KIAA1549L: variants seen among roughly 807,000 people sequenced by gnomAD.
KIAA1549L encodes the protein UPF0606 protein KIAA1549L.
In KIAA1549L, 88 loss-of-function variants were observed where a neutral mutation model predicts 160.7. The ratio of observed to expected loss-of-function variants is 0.55; its 90% confidence interval spans 0.46 to 0.65. KIAA1549L has a LOEUF of 0.65. KIAA1549L is among the 30% of genes least tolerant of loss of function. The pLI is 0.00. For synonymous variants in KIAA1549L, 950 were observed against 976.7 expected (o/e 0.97, Z 0.51); for missense variants, 2,258 against 2,437.5 (o/e 0.93, Z 1.55).
chr11:33,421,304 G>A (rs1037677627), intron 1 of KIAA1549L, among the ~76,000 whole-genome samples: 1 of 152,150 alleles, frequency 6.6e-6, no homozygotes, highest in Non-Finnish European at 1.5e-5. Context: ...ATTATGGGGT[G>A]GGGGTGAGCA....
chr11:33,574,633 G>A, intron 9 of KIAA1549L, 69 bp from the exon 10 acceptor site: 3 of 1,452,392 alleles, frequency 2.1e-6, no homozygotes, highest in Non-Finnish European at 2.8e-6. Context: ...AACATCTGCT[G>A]ATCACCTGGG....
intron 16 of KIAA1549L, among the ~76,000 whole-genome samples, chr11:33,635,632 G>C (rs1010744053): frequency 6.6e-6 from 1 of 151,630 alleles, no homozygotes; most frequent in Non-Finnish European, 1.5e-5. Flanking sequence ...AGAATAAGTG[G>C]CCTCAAGAGC....
chr11:33,655,086 A>G (rs781065112), intron 17 of KIAA1549L, among the ~76,000 whole-genome samples: 5 of 152,290 alleles, frequency 3.3e-5, no homozygotes, highest in Middle Eastern at 6.8e-3. Context: ...CACAGAGAGC[A>G]TTTCTAGATT....
Position 33,611,272 on chromosome 11 carries a change from A to G in KIAA1549L, c.5279+1306A>G, listed in dbSNP as rs909456311. Among the ~76,000 whole-genome samples the G allele has an allele frequency of 2.0e-5, 3 of 151,926 alleles. 1 individual carries two copies. The highest frequency in any genetic ancestry group is 2.0e-4 in the Admixed American group (3 of 15,238). On this transcript the variant is annotated intron_variant, in intron 15 of 20. Coordinates refer to ENST00000658780, the MANE Select transcript of KIAA1549L (RefSeq NM_012194.3). Reference sequence around the variant, plus strand: ...GAGCATGCTCCCACCCCGACATGCCACAGAGCCATGACAGACACATTCTCC... The same window carrying G: ...GAGCATGCTCCCACCCCGACATGCCGCAGAGCCATGACAGACACATTCTCC...
chr11:33,547,673 G>A, intron 3 of KIAA1549L, 91 bp from the exon 4 acceptor site: 1 of 776,078 alleles, frequency 1.3e-6, no homozygotes. Flanking sequence ...CCCAGAACTT[G>A]CAGAAGGTGG....
intron 1 of KIAA1549L, among the ~76,000 whole-genome samples, chr11:33,487,462 G>A (rs1852556733): frequency 6.8e-6 from 1 of 147,846 alleles, no homozygotes; most frequent in East Asian, 2.0e-4. Context: ...ACATCCAGAC[G>A]GTCTTGAATG....
At chr11:33,597,489 A>G (rs1025834605) in intron 12 of KIAA1549L, among the ~76,000 whole-genome samples, 11 of 152,140 alleles carry the variant, frequency 7.2e-5, no homozygotes, top group African/African-American at 2.7e-4. Context: ...ATTCCAGACA[A>G]TTCTCCATTG....
chr11:33,415,144 A>G (rs1001108075), intron 1 of KIAA1549L, among the ~76,000 whole-genome samples: 5 of 151,798 alleles, frequency 3.3e-5, no homozygotes, highest in African/African-American at 7.3e-5. Context: ...TTCTTGCTCC[A>G]GTTCAGAAAG....
At chr11:33,634,674 T>A (rs1441479863) in intron 16 of KIAA1549L, among the ~76,000 whole-genome samples, 1 of 152,218 alleles carries the variant, frequency 6.6e-6, no homozygotes, top group Non-Finnish European at 1.5e-5. Flanking sequence ...TGAGTAATGC[T>A]GAGAGCATTG....
intron 1 of KIAA1549L, among the ~76,000 whole-genome samples, chr11:33,401,964 C>T (rs1277277174): frequency 1.3e-5 from 2 of 152,210 alleles, no homozygotes; most frequent in East Asian, 3.8e-4. Context: ...ACATAAGGGG[C>T]ACAGCTGTCC....
At chr11:33,650,979 C>T (rs989040815) in intron 17 of KIAA1549L, among the ~76,000 whole-genome samples, 44 of 152,290 alleles carry the variant, frequency 2.9e-4, no homozygotes, top group African/African-American at 1.1e-3. Flanking sequence ...CCACTTCTTC[C>T]CCCAGGGTGA....
chr11:33,441,746 T>A lies in KIAA1549L; in HGVS notation c.238+64857T>A, dbSNP rs1590247472. 9.2e-5 allele frequency among the ~76,000 whole-genome samples: 14 copies of A among 152,320 alleles called. No individual in the cohort carries two copies. The South Asian group carries it at 2.7e-3, about 29-fold the overall frequency. ...TTGAGAAGTGTCTGTTCATATCCTTTGCCCACTTTTTGATGGGGTTGTTTG... is the reference window on the plus strand; with the variant it reads ...TTGAGAAGTGTCTGTTCATATCCTTAGCCCACTTTTTGATGGGGTTGTTTG... On this transcript the variant is annotated intron_variant, in intron 1 of 20. Coordinates refer to ENST00000658780, the MANE Select transcript of KIAA1549L (RefSeq NM_012194.3).
At chr11:33,505,215 A>G (rs973236828) in intron 1 of KIAA1549L, among the ~76,000 whole-genome samples, 1 of 152,200 alleles carries the variant, frequency 6.6e-6, no homozygotes, top group African/African-American at 2.4e-5. Flanking sequence ...TGCTCGCCTC[A>G]GAAGAATTTC....
chr11:33,530,320 T>C (rs1590314356), intron 1 of KIAA1549L, among the ~76,000 whole-genome samples: 1 of 148,566 alleles, frequency 6.7e-6, no homozygotes, highest in South Asian at 2.1e-4. Flanking sequence ...GAGAATGGCA[T>C]GAACCCAGGA....
At chr11:33,430,241 C>T (rs1483413041) in intron 1 of KIAA1549L, among the ~76,000 whole-genome samples, 1 of 137,828 alleles carries the variant, frequency 7.3e-6, no homozygotes, top group African/African-American at 2.7e-5. Flanking sequence ...TCCTTCCCTC[C>T]CTCCCTCCCT....
At chr11:33,557,079 C>G (rs1854673742) in intron 6 of KIAA1549L, among the ~76,000 whole-genome samples, 1 of 152,152 alleles carries the variant, frequency 6.6e-6, no homozygotes, top group Non-Finnish European at 1.5e-5. Context: ...CCTCGGACTC[C>G]TGGGCTCAGG....
At chr11:33,606,951 A>G (rs1850523550) in intron 14 of KIAA1549L, 129 bp downstream of exon 14, 3 of 705,982 alleles carry the variant, frequency 4.2e-6, no homozygotes, top group Non-Finnish European at 4.6e-6. Context: ...TTACCTCTGC[A>G]TGTACCAGGC....
At chr11:33,467,385 A>T (rs1852085511) in intron 1 of KIAA1549L, among the ~76,000 whole-genome samples, 1 of 152,210 alleles carries the variant, frequency 6.6e-6, no homozygotes, top group Non-Finnish European at 1.5e-5. Flanking sequence ...CAGTGGAAAG[A>T]TTTCTATCAA....
intron 16 of KIAA1549L, among the ~76,000 whole-genome samples, chr11:33,641,609 TATATATATATATATATATATATATAC>T (rs1246854186): frequency 6.4e-5 from 2 of 31,280 alleles, no homozygotes; most frequent in Non-Finnish European, 1.0e-4. Context: ...TATATATATA[TATATATATATATATATATATATATAC>T]ACAGTGGGTA....
Sources: allele counts gnomAD v4.1 joint callset (sites outside exome capture counted in the v4.1 genomes callset), GRCh38; gene constraint gnomAD v4.1.1; transcripts MANE v1.5; gene names NCBI Gene and HGNC (gene_info 2026-07-23, HGNC 2026-07-21).